KAZN: variants seen among roughly 807,000 people sequenced by gnomAD.
KAZN encodes the protein kazrin.
A neutral mutation model predicts 87.4 loss-of-function variants in KAZN; 40 were observed. The observed-to-expected ratio is 0.46, with a 90% CI of 0.36 to 0.60. The LOEUF is 0.60. KAZN is among the 20% of genes least tolerant of loss of function. KAZN has a pLI of 0.00. For missense variants in KAZN, 898 were observed against 1,073.9 expected (o/e 0.84, Z 2.29); for synonymous variants, 466 against 458.3 (o/e 1.02, Z -0.22).
At chr1:14,505,959 G>T (rs1670563212) in intron 2 of KAZN, among the ~76,000 whole-genome samples, 1 of 152,134 alleles carries the variant, frequency 6.6e-6, no homozygotes. Flanking sequence ...GGGCAACAGA[G>T]CAAGACTCCA....
At chr1:14,987,216 C>T (rs1015124059) in intron 2 of KAZN, among the ~76,000 whole-genome samples, 1 of 152,100 alleles carries the variant, frequency 6.6e-6, no homozygotes, top group Admixed American at 6.6e-5. Flanking sequence ...CTCTCTGGGC[C>T]GGGCACGGTG....
chr1:14,838,293 T>C (rs77401667), intron 1 of KAZN, among the ~76,000 whole-genome samples: 1,966 of 152,328 alleles, frequency 0.013, 19 homozygotes, highest in Middle Eastern at 0.034. Context: ...CGCTGTATAC[T>C]ATCACATTGA....
chr1:14,452,112 G>A (rs147686463), intron 2 of KAZN, among the ~76,000 whole-genome samples: 1 of 152,050 alleles, frequency 6.6e-6, no homozygotes, highest in East Asian at 1.9e-4. Flanking sequence ...GCTAATTTTT[G>A]TATTTTTAGA....
chr1:14,931,274 TA>T (rs34539653), intron 1 of KAZN, among the ~76,000 whole-genome samples: 15,801 of 143,830 alleles, frequency 0.11, 977 homozygotes, highest in East Asian at 0.27. Flanking sequence ...CCATCTCTAC[TA>T]AAAAAAAAAA....
In KAZN at chr1:14,607,560, T is replaced by A. The variant is rs192535900; in HGVS notation, c.226+8337T>A. On this transcript the variant is annotated intron_variant, in intron 1 of 14. Coordinates refer to ENST00000376030, the MANE Select transcript of KAZN (RefSeq NM_201628.3). ...CTCATTCATCGTCAATCCTCAGAGTTCTGCTGGACAAAATATGCTCTGTCA... is the reference window on the plus strand; with the variant it reads ...CTCATTCATCGTCAATCCTCAGAGTACTGCTGGACAAAATATGCTCTGTCA... Among the ~76,000 whole-genome samples, 5 of 152,316 alleles carry A rather than the reference T, an allele frequency of 3.3e-5. No individual in the cohort carries two copies. The East Asian group carries it at 9.6e-4, about 29-fold the overall frequency.
At chr1:15,063,277 AG>A (rs1451252617) in intron 6 of KAZN, 1 of 449,162 alleles carries the variant, frequency 2.2e-6, no homozygotes. Context: ...AGACTGGGAC[AG>A]GAACTTAGAC....
At chr1:13,990,148 T>C (rs1371713768) in intron 1 of KAZN, among the ~76,000 whole-genome samples, 1 of 152,172 alleles carries the variant, frequency 6.6e-6, no homozygotes, top group Non-Finnish European at 1.5e-5. Flanking sequence ...ACATCTAGTT[T>C]TTGAACCAGA....
At chr1:14,781,380 A>G (rs927184512) in intron 1 of KAZN, among the ~76,000 whole-genome samples, 2 of 152,224 alleles carry the variant, frequency 1.3e-5, no homozygotes, top group Non-Finnish European at 2.9e-5. Flanking sequence ...CTAAGAAATC[A>G]TATCCCCATT....
At chr1:14,046,680 G>C (rs1642087471) in intron 1 of KAZN, among the ~76,000 whole-genome samples, 1 of 152,140 alleles carries the variant, frequency 6.6e-6, no homozygotes, top group Non-Finnish European at 1.5e-5. Context: ...GCAGGATGGA[G>C]GCATACAGTG....
intron 1 of KAZN, among the ~76,000 whole-genome samples, chr1:14,173,826 G>A (rs1257298060): frequency 1.3e-5 from 2 of 152,112 alleles, no homozygotes; most frequent in Non-Finnish European, 1.5e-5. Flanking sequence ...CCTGGACCAC[G>A]TGCCCACCTC....
chr1:15,006,164 C>A (rs968113812), intron 2 of KAZN, among the ~76,000 whole-genome samples: 1 of 152,212 alleles, frequency 6.6e-6, no homozygotes, highest in Admixed American at 6.5e-5. Flanking sequence ...AAAGGCCAAG[C>A]CCTTTAGCAT....
chr1:14,174,917 TGGGCAC>T (rs1646038547), intron 1 of KAZN, among the ~76,000 whole-genome samples: 2 of 152,170 alleles, frequency 1.3e-5, no homozygotes, highest in African/African-American at 4.8e-5. Context: ...AGATTCAGCT[TGGGCAC>T]GGTCTAGCTC....
intron 1 of KAZN, among the ~76,000 whole-genome samples, chr1:14,804,490 A>G (rs2100754990): frequency 6.6e-6 from 1 of 152,270 alleles, no homozygotes; most frequent in African/African-American, 2.4e-5. Flanking sequence ...GCCAGCCTCA[A>G]CCATATGAGT....
chr1:15,047,509 G>A (rs990341434), intron 4 of KAZN, among the ~76,000 whole-genome samples: 4 of 152,212 alleles, frequency 2.6e-5, no homozygotes, highest in Non-Finnish European at 4.4e-5. Flanking sequence ...GGTGTCTCGT[G>A]CCTGTAATCT....
intron 2 of KAZN, among the ~76,000 whole-genome samples, chr1:14,240,997 T>C (rs545689834): frequency 2.7e-4 from 41 of 152,382 alleles, no homozygotes; most frequent in African/African-American, 9.4e-4. Flanking sequence ...CTTCATTGTC[T>C]CATCTGTAAA....
intron 2 of KAZN, among the ~76,000 whole-genome samples, chr1:14,481,620 C>A (rs1005156566): frequency 6.6e-6 from 1 of 151,538 alleles, no homozygotes; most frequent in African/African-American, 2.4e-5. Flanking sequence ...CATAGCAGGG[C>A]ACTTCGTTTT....
intron 2 of KAZN, among the ~76,000 whole-genome samples, chr1:14,468,238 A>T (rs1668269054): frequency 6.6e-6 from 1 of 152,206 alleles, no homozygotes; most frequent in Non-Finnish European, 1.5e-5. Flanking sequence ...GAATTTCCAC[A>T]CTAACTTTAA....
At chr1:14,293,533 A>G (rs972817063) in intron 2 of KAZN, among the ~76,000 whole-genome samples, 2 of 151,998 alleles carry the variant, frequency 1.3e-5, no homozygotes, top group Non-Finnish European at 2.9e-5. Context: ...CATTTGGAAG[A>G]TACCGACATT....
At chr1:15,034,520 T>C (rs1672057440) in intron 2 of KAZN, among the ~76,000 whole-genome samples, 1 of 152,170 alleles carries the variant, frequency 6.6e-6, no homozygotes, top group Non-Finnish European at 1.5e-5. Context: ...CCTGGTCAGA[T>C]TGACACAGCT....
Sources: gnomAD v4.1 joint callset for allele counts (sites outside exome capture counted in the v4.1 genomes callset) on GRCh38, gnomAD v4.1.1 for gene constraint, MANE v1.5 for transcripts, NCBI Gene and HGNC (gene_info 2026-07-23, HGNC 2026-07-21) for gene names.